IL1RAPL2: variants seen among roughly 807,000 people sequenced by gnomAD.
The protein encoded by IL1RAPL2 is interleukin 1 receptor accessory protein like 2.
Under a neutral mutation model 44.1 loss-of-function variants are expected in IL1RAPL2, and 3 were observed. That is an observed-to-expected ratio of 0.07 (90% CI 0.03 to 0.18). IL1RAPL2 has a LOEUF of 0.18. Ranked by LOEUF, IL1RAPL2 falls within the 10% of genes least tolerant of loss-of-function variation. The probability of loss-of-function intolerance (pLI) is 1.00; values close to 1 mark genes in which losing one functional copy is unlikely to be tolerated. For missense variants in IL1RAPL2, 391 were observed against 496.4 expected (o/e 0.79, Z 2.02); for synonymous variants, 181 against 178.8 (o/e 1.01, Z -0.10).
intron 1 of IL1RAPL2, among the ~76,000 whole-genome samples, chrX:104,595,805 A>G (rs1276753616): frequency 8.9e-6 from 1 of 112,057 alleles, no homozygotes; most frequent in Non-Finnish European, 1.9e-5. Flanking sequence ...CTATCAAAGT[A>G]ATATCCAAGG....
chrX:104,915,557 A>G (rs1256108413), intron 2 of IL1RAPL2, among the ~76,000 whole-genome samples: 6 of 110,499 alleles, frequency 5.4e-5, no homozygotes, highest in Admixed American at 9.6e-5. Context: ...TGCTGTGCAG[A>G]AGCTCTTTAG....
intron 2 of IL1RAPL2, among the ~76,000 whole-genome samples, chrX:105,185,736 T>C (rs73638481): frequency 8.9e-6 from 1 of 112,299 alleles, no homozygotes; most frequent in African/African-American, 3.2e-5. Flanking sequence ...TTTTATTCGC[T>C]TCACAATTCT....
chrX:105,522,060 G>C (rs2036562710), intron 6 of IL1RAPL2, among the ~76,000 whole-genome samples: 1 of 111,971 alleles, frequency 8.9e-6, no homozygotes, highest in African/African-American at 3.2e-5. Flanking sequence ...TATTAAAGCA[G>C]ATGTCAATAA....
intron 2 of IL1RAPL2, among the ~76,000 whole-genome samples, chrX:104,733,651 A>ATAATAATAG (rs1332519287): frequency 1.3e-4 from 14 of 105,554 alleles, no homozygotes; most frequent in East Asian, 5.7e-4. Context: ...AATAATAGTA[A>ATAATAATAG]TAATAATAAT....
At chrX:104,603,675 T>C (rs1928934901) in intron 1 of IL1RAPL2, among the ~76,000 whole-genome samples, 1 of 111,457 alleles carries the variant, frequency 9.0e-6, no homozygotes, top group Non-Finnish European at 1.9e-5. Context: ...CTTCAATAGC[T>C]GATTCGATCA....
intron 6 of IL1RAPL2, among the ~76,000 whole-genome samples, chrX:105,655,401 A>G (rs2037670846): frequency 8.9e-6 from 1 of 112,324 alleles, no homozygotes; most frequent in Admixed American, 9.4e-5. Flanking sequence ...AATCATTTCT[A>G]TTTCTGAAAT....
chrX:105,297,642 G>T lies in IL1RAPL2; in HGVS notation c.697+30101G>T, dbSNP rs546610409. On this transcript the variant is annotated intron_variant, in intron 5 of 10. Transcript: ENST00000372582. ...TCCTTCACTATCACAAGAACAGGGT[G>T]GGGGAAACTGCCCCAATGACCCAAT... Among the ~76,000 whole-genome samples, 9 of 110,767 alleles carry T rather than the reference G, an allele frequency of 8.1e-5. No individual in the cohort carries two copies. In the South Asian group the frequency reaches 3.4e-3, roughly 42 times the overall value.
chrX:104,633,692 C>T (rs1442257012), intron 1 of IL1RAPL2, among the ~76,000 whole-genome samples: 3 of 111,415 alleles, frequency 2.7e-5, no homozygotes, highest in Non-Finnish European at 5.6e-5. Flanking sequence ...GTGATATCCC[C>T]TTTATCATTT....
At chrX:105,431,507 A>G (rs17003895) in intron 5 of IL1RAPL2, among the ~76,000 whole-genome samples, 3,029 of 111,574 alleles carry the variant, frequency 0.027, 37 homozygotes, top group Non-Finnish European at 0.041. Flanking sequence ...CTTGGGGAAC[A>G]TGATCTGACC....
chrX:105,328,626 C>A (rs2034960548), intron 5 of IL1RAPL2, among the ~76,000 whole-genome samples: 1 of 111,674 alleles, frequency 9.0e-6, no homozygotes, highest in African/African-American at 3.3e-5. Context: ...CTACAGAATT[C>A]ACCTGAGGGG....
intron 2 of IL1RAPL2, among the ~76,000 whole-genome samples, chrX:104,761,575 A>G (rs1220603935): frequency 9.0e-6 from 1 of 111,310 alleles, no homozygotes; most frequent in Non-Finnish European, 1.9e-5. Context: ...GTCTTAACTC[A>G]TTCCAGGATT....
chrX:104,846,959 G>A (rs748165160), intron 2 of IL1RAPL2, among the ~76,000 whole-genome samples: 13 of 112,122 alleles, frequency 1.2e-4, no homozygotes, highest in African/African-American at 1.6e-4. Context: ...GATGATGAGC[G>A]TTTTTTCACA....
chrX:105,041,812 C>T (rs1197283038), intron 2 of IL1RAPL2, among the ~76,000 whole-genome samples: 8 of 110,231 alleles, frequency 7.3e-5, no homozygotes, highest in African/African-American at 3.3e-5. Context: ...CATCACGCTA[C>T]CTGACTTCAA....
At chrX:105,160,550 A>G (rs1399827291) in intron 2 of IL1RAPL2, among the ~76,000 whole-genome samples, 1 of 111,304 alleles carries the variant, frequency 9.0e-6, no homozygotes, top group African/African-American at 3.3e-5. Context: ...CAAATGCTTG[A>G]AAAAGTTTCT....
intron 2 of IL1RAPL2, among the ~76,000 whole-genome samples, chrX:104,913,424 C>G (rs1924310446): frequency 9.0e-6 from 1 of 111,546 alleles, no homozygotes; most frequent in South Asian, 3.8e-4. Context: ...CATGGTATAT[C>G]ACTTCAGGTC....
chrX:104,999,899 A>G lies in IL1RAPL2; in HGVS notation c.83-195576A>G, dbSNP rs900635466. Among the ~76,000 whole-genome samples, 3 of 110,926 alleles carry G rather than the reference A, an allele frequency of 2.7e-5. No homozygotes were observed. In the East Asian group the frequency reaches 8.6e-4, roughly 32 times the overall value. ...TCCTGGTGTTTCCAATTTCTTACTT[A>G]GTACTTTCCATTTAATCTTTCACTT... On this transcript the variant is annotated intron_variant, in intron 2 of 10. Coordinates refer to ENST00000372582, the MANE Select transcript of IL1RAPL2 (RefSeq NM_017416.2).
chrX:104,793,387 AT>A (rs1932835300), intron 2 of IL1RAPL2, among the ~76,000 whole-genome samples: 1 of 111,674 alleles, frequency 9.0e-6, no homozygotes, highest in Admixed American at 9.5e-5. Context: ...GGAACACCAT[AT>A]ATGTTTAGGA....
chrX:104,616,137 G>T (rs1343745580), intron 1 of IL1RAPL2, among the ~76,000 whole-genome samples: 6 of 112,178 alleles, frequency 5.3e-5, no homozygotes, highest in Non-Finnish European at 1.1e-4. Flanking sequence ...TTGTCAAATG[G>T]ATAGATTGCA....
At chrX:105,117,180 T>G (rs2032870935) in intron 2 of IL1RAPL2, among the ~76,000 whole-genome samples, 1 of 112,197 alleles carries the variant, frequency 8.9e-6, no homozygotes, top group Non-Finnish European at 1.9e-5. Context: ...TTATCAGAAA[T>G]CCAGCACAGA....
Sources: allele counts gnomAD v4.1 joint callset (sites outside exome capture counted in the v4.1 genomes callset), GRCh38; gene constraint gnomAD v4.1.1; transcripts MANE v1.5; gene names NCBI Gene and HGNC (gene_info 2026-07-23, HGNC 2026-07-21).